Variants in MAGI2 observed in about 807,000 individuals in gnomAD.
MAGI2 encodes membrane associated guanylate kinase, WW and PDZ domain containing 2, also known as membrane-associated guanylate kinase, WW and PDZ domain-containing protein 2.
MAGI2 carries 35 observed loss-of-function variants against 133.3 expected under a neutral mutation model. The ratio of observed to expected loss-of-function variants is 0.26; its 90% CI spans 0.20 to 0.35. The LOEUF (loss-of-function observed/expected upper bound fraction) is 0.35. Among genes scored for constraint, MAGI2 ranks in the 10% least tolerant of loss-of-function variants. The pLI is 1.00. For missense variants in MAGI2, 1,636 were observed against 1,863.4 expected (o/e 0.88, Z 2.25); for synonymous variants, 729 against 710.6 (o/e 1.03, Z -0.41).
intron 1 of MAGI2, among the ~76,000 whole-genome samples, chr7:79,043,368 C>T (rs905469090): frequency 1.3e-5 from 2 of 151,322 alleles, no homozygotes; most frequent in African/African-American, 4.9e-5. Flanking sequence ...CATGGTGAAA[C>T]CCCGTCTCTA....
Position 78,740,122 on chromosome 7 carries a change from C to T in MAGI2, c.419-112883G>A, listed in dbSNP as rs986363177. ...CTTGCAGTGAGCCGAGATCGCGCCA[C>T]TGCACTCCAGCCTGGGTGACAGAGC... On this transcript the variant is annotated intron_variant, in intron 2 of 21. Coordinates refer to ENST00000354212, the MANE Select transcript of MAGI2 (RefSeq NM_012301.4). Among the ~76,000 whole-genome samples, 210 of 151,588 alleles carry T rather than the reference C, an allele frequency of 1.4e-3. 2 individuals carry two copies. Among genetic ancestry groups the T allele is most frequent in the Admixed American group, 1.5e-3 (23 of 15,248 alleles).
intron 7 of MAGI2, chr7:78,359,303 A>T (rs909747921): frequency 2.6e-5 from 4 of 152,176 alleles, no homozygotes; most frequent in Non-Finnish European, 4.4e-5. Context: ...AATATGAAAA[A>T]GTGCTTAGGG....
intron 6 of MAGI2, among the ~76,000 whole-genome samples, chr7:78,466,059 T>G (rs755495166): frequency 6.6e-6 from 1 of 152,174 alleles, no homozygotes; most frequent in Non-Finnish European, 1.5e-5. Flanking sequence ...CACTTGCTCT[T>G]AACATCCTCC....
intron 5 of MAGI2, among the ~76,000 whole-genome samples, chr7:78,498,551 T>C (rs2150516838): frequency 6.6e-6 from 1 of 152,124 alleles, no homozygotes; most frequent in East Asian, 1.9e-4. Context: ...CAGTGAATAC[T>C]AAAGAAAAAG....
At chr7:78,970,484 G>A (rs1019353081) in intron 2 of MAGI2, among the ~76,000 whole-genome samples, 1 of 151,998 alleles carries the variant, frequency 6.6e-6, no homozygotes, top group Admixed American at 6.6e-5. Flanking sequence ...TCATTTCACT[G>A]AAAAGCCTAT....
intron 2 of MAGI2, among the ~76,000 whole-genome samples, chr7:78,983,545 A>G (rs1258882650): frequency 2.0e-5 from 3 of 151,872 alleles, no homozygotes; most frequent in Non-Finnish European, 4.4e-5. Flanking sequence ...AGTGACTAAA[A>G]CACTTATGCC....
intron 21 of MAGI2, among the ~76,000 whole-genome samples, chr7:78,037,885 G>A (rs995699931): frequency 6.6e-6 from 1 of 152,172 alleles, no homozygotes; most frequent in African/African-American, 2.4e-5. Flanking sequence ...CAGTACCTTT[G>A]CTGAAGCAGT....
At chr7:79,225,701 ATATAAAAT>A (rs1236007938) in intron 1 of MAGI2, among the ~76,000 whole-genome samples, 15 of 152,312 alleles carry the variant, frequency 9.8e-5, no homozygotes, top group African/African-American at 3.4e-4. Flanking sequence ...AAATGTGTGC[ATATAAAAT>A]TATAAAACTC....
chr7:79,375,955 G>A (rs6964030), intron 1 of MAGI2, among the ~76,000 whole-genome samples: 22,060 of 151,714 alleles, frequency 0.15, 1,716 homozygotes, highest in South Asian at 0.25. Context: ...CATAACAATC[G>A]TATTGTTGGT....
In MAGI2 at chr7:78,161,667, T is replaced by TAAAAAAAA. The variant is rs71515391; in HGVS notation, c.2597-1402_2597-1395dup. Among the ~76,000 whole-genome samples the TAAAAAAAA allele has an allele frequency of 3.9e-4, 27 of 68,894 alleles. 1 individual carries two copies. The highest frequency in any genetic ancestry group is 6.0e-4 in the South Asian group (1 of 1,678). 45.2% of individuals were successfully genotyped at this position (68,894 alleles called of 152,430 possible). ...AGAGACGTTTTGTTACATCGATACC[T>TAAAAAAAA]AAAAAAAAAAAAAAAAAAAAGAAAA... On this transcript the variant is annotated intron_variant, in intron 15 of 21. Coordinates refer to ENST00000354212, the MANE Select transcript of MAGI2 (RefSeq NM_012301.4).
chr7:79,125,309 C>T (rs1239651726), intron 1 of MAGI2: 8 of 462,226 alleles, frequency 1.7e-5, no homozygotes, highest in African/African-American at 6.0e-5. Context: ...CTTCATCTAG[C>T]CAGAGGTTGG....
At chr7:78,059,165 C>T (rs753750899) in intron 21 of MAGI2, among the ~76,000 whole-genome samples, 2 of 152,162 alleles carry the variant, frequency 1.3e-5, no homozygotes, top group Admixed American at 6.5e-5. Context: ...TGACCTGGGG[C>T]ATGTTAACAA....
chr7:79,106,742 C>G (rs1284703493), intron 1 of MAGI2, among the ~76,000 whole-genome samples: 1 of 152,176 alleles, frequency 6.6e-6, no homozygotes, highest in African/African-American at 2.4e-5. Context: ...CCCAAATAAA[C>G]TCAAGTGTTC....
intron 1 of MAGI2, among the ~76,000 whole-genome samples, chr7:79,282,423 G>T (rs1325574481): frequency 6.6e-6 from 1 of 152,176 alleles, no homozygotes; most frequent in African/African-American, 2.4e-5. Context: ...TGAGGATGGA[G>T]AAGAAACGAA....
chr7:79,346,705 C>T (rs117044892), intron 1 of MAGI2, among the ~76,000 whole-genome samples: 1,548 of 152,052 alleles, frequency 0.01, 17 homozygotes, highest in Middle Eastern at 0.092. Context: ...TATTGCTCTT[C>T]CTCCAGTTTA....
chr7:78,098,578 C>A (rs1345178915), intron 20 of MAGI2, among the ~76,000 whole-genome samples: 2 of 151,948 alleles, frequency 1.3e-5, no homozygotes, highest in African/African-American at 4.8e-5. Flanking sequence ...GAAAATGTAT[C>A]CTTGTGTACA....
At chr7:78,990,934 A>ACACG (rs1417649729) in intron 2 of MAGI2, among the ~76,000 whole-genome samples, 1 of 150,996 alleles carries the variant, frequency 6.6e-6, no homozygotes, top group African/African-American at 2.4e-5. Context: ...ACACACACAC[A>ACACG]CACACACAGA....
chr7:78,241,862 A>G (rs1398201335), intron 10 of MAGI2, among the ~76,000 whole-genome samples: 1 of 151,592 alleles, frequency 6.6e-6, no homozygotes, highest in South Asian at 2.1e-4. Context: ...TGAACCCAGG[A>G]GGTGGAGGCT....
intron 2 of MAGI2, among the ~76,000 whole-genome samples, chr7:78,732,587 T>C (rs1222217496): frequency 1.3e-5 from 2 of 152,138 alleles, no homozygotes; most frequent in Non-Finnish European, 2.9e-5. Flanking sequence ...AAAGCAAATA[T>C]AGTAAAATGT....
Sources: gnomAD v4.1 joint callset for allele counts (sites outside exome capture counted in the v4.1 genomes callset) on GRCh38, gnomAD v4.1.1 for gene constraint, MANE v1.5 for transcripts, NCBI Gene and HGNC (gene_info 2026-07-23, HGNC 2026-07-21) for gene names.